Variants in ASAH1 observed in about 807,000 individuals in gnomAD.
The protein encoded by ASAH1 is N-acylsphingosine amidohydrolase 1.
ASAH1 carries 70 observed loss-of-function variants against 59.5 expected under a neutral mutation model. That is an observed-to-expected ratio of 1.18 (90% confidence interval 0.97 to 1.43). ASAH1 has a LOEUF of 1.43. Ranked by LOEUF, ASAH1 falls within the 40% of genes most tolerant of loss-of-function variation. The pLI is 0.00. For synonymous variants in ASAH1, 213 were observed against 166.5 expected (o/e 1.28, Z -2.15); for missense variants, 660 against 482.5 (o/e 1.37, Z -3.45).
At chr8:18,059,513 C>CA (rs1799604824) in intron 11 of ASAH1, 49 bp from the exon 12 acceptor site, 5 of 1,614,008 alleles carry the variant, frequency 3.1e-6, no homozygotes, top group Non-Finnish European at 4.2e-6. Flanking sequence ...CCTTAAAACT[C>CA]AAAGTATATC....
intron 4 of ASAH1, among the ~76,000 whole-genome samples, chr8:18,069,035 G>A (rs1300117782): frequency 1.3e-5 from 2 of 151,790 alleles, no homozygotes; most frequent in East Asian, 1.9e-4. Context: ...CAGCTACTCA[G>A]GAGGCTGAGG....
rs565899756 is a variant in ASAH1 at position 18,068,942 on chromosome 8, C to T, written c.303+850G>A. Among the ~76,000 whole-genome samples, 239 of 152,154 alleles carry T rather than the reference C, an allele frequency of 1.6e-3. 2 individuals carry two copies. In the South Asian group the frequency reaches 0.021, roughly 13 times the overall value. On this transcript the variant is annotated intron_variant, in intron 4 of 13. Coordinates refer to ENST00000637790, the MANE Select transcript of ASAH1 (RefSeq NM_177924.5). ...TCGCCTGAGCCCAGGAGTTGGGAGA[C>T]CAGCCTGGGTGACACAGCAAGCCTC...
Position 18,057,669 on chromosome 8 carries a change from G to C in ASAH1, c.1099-46C>G, listed in dbSNP as rs752131864. ...ACTTTAAGGACGTTTTCAATTCAGA[G>C]ATGTTCTGATATATATTAGCATTTC... is the stretch of plus-strand genomic sequence containing the variant. On this transcript the variant is annotated intron_variant, in intron 13 of 13. Transcript: ENST00000637790. The C allele has an allele frequency of 1.3e-5, 17 of 1,333,996 alleles. 1 individual carries two copies. The East Asian group carries it at 4.3e-4, about 34-fold the overall frequency. The allele number at this position is 1,333,996 out of a possible 1,614,324, so 82.6% of individuals were successfully genotyped here.
In ASAH1 at chr8:18,059,600, C is replaced by A; in HGVS notation, c.889G>T (p.Asp297Tyr). The change falls in exon 11 of 14, where the codon GAC (aspartate) becomes TAC (tyrosine). Residue 297 changes from aspartate to tyrosine, a missense_variant. Physicochemically the swap from Asp to Tyr is radical, Grantham distance 160. Coordinates refer to ENST00000637790, the MANE Select transcript of ASAH1 (RefSeq NM_177924.5). ...QSGEGCVITRDRKESLDVYEL... is the reference protein window; with the variant it reads ...QSGEGCVITRYRKESLDVYEL... Reference sequence around the variant, plus strand: ...TATACATCCAATGATTCCTTTCTGTCTCGTGTAATCACACAACCTTCCCCA... The same window carrying A: ...TATACATCCAATGATTCCTTTCTGTATCGTGTAATCACACAACCTTCCCCA... 2 of 1,614,192 alleles carry A rather than the reference C, an allele frequency of 1.2e-6. No individual in the cohort carries two copies. Among genetic ancestry groups the A allele is most frequent in the Non-Finnish European group, 1.7e-6 (2 of 1,180,028 alleles).
At chr8:18,080,767 A>G (rs1800619435) in intron 1 of ASAH1, among the ~76,000 whole-genome samples, 1 of 152,186 alleles carries the variant, frequency 6.6e-6, no homozygotes, top group South Asian at 2.1e-4. Context: ...CATGTTGGCC[A>G]GGCTAGTCTC....
At chr8:18,064,130 T>G (rs548411964) in intron 6 of ASAH1, 1 of 496,982 alleles carries the variant, frequency 2.0e-6, no homozygotes, top group East Asian at 3.2e-5. Context: ...TACACGAAGA[T>G]AAGGAAGCAC....
rs775883217 is a variant in ASAH1, at chr8:18,065,910, G to GTGTGTA, written c.382+1309_382+1310insTACACA. ...TGTGTGTGTGTGTGTGTGTGTGTGTGTATATATATATGTATTGTATATTTA... is the reference window on the plus strand; with the variant it reads ...TGTGTGTGTGTGTGTGTGTGTGTGTGTGTGTATATATATATATGTATTGTATATTTA... On this transcript the variant is annotated intron_variant, in intron 5 of 13. Coordinates refer to ENST00000637790, the MANE Select transcript of ASAH1 (RefSeq NM_177924.5). 8.8e-5 allele frequency: 13 copies of GTGTGTA among 147,428 alleles called. 1 individual carries two copies. In the South Asian group the frequency reaches 2.6e-3, roughly 29 times the overall value. The allele number at this position is 147,428 out of a possible 1,614,324, so 9.1% of individuals were successfully genotyped here.
At chr8:18,069,308 T>C (rs1800061699) in intron 4 of ASAH1, among the ~76,000 whole-genome samples, 1 of 152,016 alleles carries the variant, frequency 6.6e-6, no homozygotes, top group Admixed American at 6.6e-5. Flanking sequence ...TCTTCCTGCA[T>C]GATGAGGATG....
At chr8:18,084,185 AGGGGGAACGCTCGGAGGAGGC>A, upstream of ASAH1, 2 of 1,537,194 alleles carry the variant, frequency 1.3e-6, no homozygotes, top group Non-Finnish European at 1.7e-6. Context: ...TCCAGGCAGT[AGGGGGAACGCTCGGAGGAGGC>A]GGGACTGGGA....
intron 10 of ASAH1, 121 bp downstream of exon 10, chr8:18,061,256 C>T: frequency 1.2e-6 from 1 of 821,510 alleles, no homozygotes; most frequent in Non-Finnish European, 1.9e-6. Context: ...GTCAGAGGTT[C>T]ACCTAAGAAA....
chr8:18,083,598 A>C (rs1050489854), intron 1 of ASAH1, among the ~76,000 whole-genome samples: 13 of 152,238 alleles, frequency 8.5e-5, no homozygotes, highest in African/African-American at 3.1e-4. Context: ...GCACCTGACC[A>C]TCAGGCAGTC....
intron 1 of ASAH1, chr8:18,075,799 A>G: frequency 1.7e-6 from 1 of 589,162 alleles, no homozygotes; most frequent in Non-Finnish European, 3.0e-6. Context: ...TTCAATTTGT[A>G]AAAGTGCTAG....
intron 7 of ASAH1, chr8:18,062,799 G>C (rs1799760167): frequency 2.7e-6 from 1 of 368,334 alleles, no homozygotes; most frequent in Non-Finnish European, 5.0e-6. Context: ...TTTTGGGTGT[G>C]ACTTGGGACT....
At chr8:18,062,481 T>C (rs1207526005) in intron 7 of ASAH1, 58 bp from the exon 8 acceptor site, 1 of 1,590,474 alleles carries the variant, frequency 6.3e-7, no homozygotes, top group Non-Finnish European at 8.6e-7. Context: ...ATGATCAACA[T>C]GATGATGAGG....
At chr8:18,059,064 G>A in intron 12 of ASAH1, 173 bp from the exon 13 acceptor site, 3 of 688,352 alleles carry the variant, frequency 4.4e-6, no homozygotes, top group Non-Finnish European at 7.2e-6. Context: ...AGTTTTAATG[G>A]ATTACTTTCC....
In ASAH1 at chr8:18,061,681, C is replaced by T; in HGVS notation, c.703+5G>A. The stretch of plus-strand genomic sequence containing the variant: ...TCCCATTTCACTTGAGAATGCTCTA[C>T]TTACCCAGATAACCACCATTTATAC... On this transcript the variant is annotated splice_donor_5th_base_variant and intron_variant, in intron 9 of 13. Transcript: ENST00000637790. 1 of 1,584,764 alleles carries T rather than the reference C, an allele frequency of 6.3e-7. No individual in the cohort carries two copies. The highest frequency in any genetic ancestry group is 8.6e-7 in the Non-Finnish European group (1 of 1,163,336).
rs1800369673 is a variant in ASAH1 at position 18,075,571 on chromosome 8, C to T, written c.95G>A (p.Arg32Lys). The change falls in exon 2 of 14, where the codon AGA becomes AAA. Residue 32 changes from arginine to lysine, a missense_variant. Arg to Lys is a conservative substitution (Grantham distance 26, BLOSUM62 2). Coordinates refer to ENST00000637790, the MANE Select transcript of ASAH1 (RefSeq NM_177924.5). ...QHAPPWTEDC[R>K]KSTYPPSGPT... ...TCCTGAAGGAGGATAGGTTGATTTT[C>T]TGCAGTCCTCTGTCCACTGAAAAGC... 1.9e-6 allele frequency: 3 copies of T among 1,614,162 alleles called. No individual in the cohort carries two copies. The highest frequency in any genetic ancestry group is 2.2e-5 in the East Asian group (1 of 44,864).
intron 4 of ASAH1, 35 bp downstream of exon 4, chr8:18,069,757 G>T: frequency 1.4e-6 from 2 of 1,440,796 alleles, no homozygotes; most frequent in Non-Finnish European, 2.0e-6. Flanking sequence ...TTTTCTATGT[G>T]CTTAACATTT....
At chr8:18,078,268 G>A (rs552785214) in intron 1 of ASAH1, among the ~76,000 whole-genome samples, 6 of 152,306 alleles carry the variant, frequency 3.9e-5, no homozygotes, top group Admixed American at 1.3e-4. Context: ...TGTGAGCAAA[G>A]TTGAAAATGC....
Sources: gnomAD v4.1 joint callset for allele counts (sites outside exome capture counted in the v4.1 genomes callset) on GRCh38, gnomAD v4.1.1 for gene constraint, MANE v1.5 for transcripts, NCBI Gene and HGNC (gene_info 2026-07-23, HGNC 2026-07-21) for gene names.